Variants in CLEC12A observed in about 807,000 individuals in gnomAD.
CLEC12A encodes the protein C-type lectin protein CLL-1.
CLEC12A carries 22 observed loss-of-function variants against 26.5 expected under a neutral mutation model. That is an observed-to-expected ratio of 0.83 (90% CI 0.59 to 1.19). CLEC12A has a LOEUF of 1.19. CLEC12A is among the 50% of genes most tolerant of loss of function. The probability of loss-of-function intolerance (pLI) is 0.00; values close to 1 mark genes in which losing one functional copy is unlikely to be tolerated. For missense variants in CLEC12A, 353 were observed against 315.6 expected, an observed-to-expected ratio of 1.12 and a Z score of -0.90; for synonymous variants, 119 against 101.9, an observed-to-expected ratio of 1.17 and a Z score of -1.01.
At chr12:9,990,358 T>C (rs563886685), downstream of CLEC12A, among the ~76,000 whole-genome samples, 2 of 152,280 alleles carry the variant, frequency 1.3e-5, no homozygotes, top group Admixed American at 6.5e-5. Flanking sequence ...GAAGACAAAG[T>C]GTCAACATTA....
At chr12:9,966,783 C>T (rs1481444049), upstream of CLEC12A, among the ~76,000 whole-genome samples, 40 of 140,078 alleles carry the variant, frequency 2.9e-4, no homozygotes, top group Non-Finnish European at 4.0e-4. Context: ...ATGTCGGGAG[C>T]AGATTGGGTA....
At chr12:9,975,068 G>C (rs1864282392) in intron 1 of CLEC12A, among the ~76,000 whole-genome samples, 1 of 152,178 alleles carries the variant, frequency 6.6e-6, no homozygotes, top group Admixed American at 6.5e-5. Flanking sequence ...CCATGAGTGT[G>C]AGGCCTCTCC....
At chr12:9,972,131 C>A (rs1002166732) in intron 1 of CLEC12A, among the ~76,000 whole-genome samples, 2 of 151,362 alleles carry the variant, frequency 1.3e-5, no homozygotes, top group Admixed American at 1.3e-4. Flanking sequence ...TGACTATCTA[C>A]CAAACTAAGC....
At chr12:9,997,159 C>A, downstream of CLEC12A, 2 of 1,613,886 alleles carry the variant, frequency 1.2e-6, no homozygotes, top group Non-Finnish European at 1.7e-6. Context: ...ACAATACTTA[C>A]TGAAAGTGCC....
chr12:9,966,699 A>G (rs1298172442), upstream of CLEC12A, among the ~76,000 whole-genome samples: 2 of 151,458 alleles, frequency 1.3e-5, no homozygotes, highest in African/African-American at 4.9e-5. Context: ...ATTATTGTAC[A>G]CTTTGAAGGC....
At chr12:9,989,888 A>G (rs1275716733), downstream of CLEC12A, among the ~76,000 whole-genome samples, 2 of 152,198 alleles carry the variant, frequency 1.3e-5, no homozygotes, top group Non-Finnish European at 2.9e-5. Context: ...GTCTTTTATC[A>G]TTTCAAACGT....
downstream of CLEC12A, chr12:9,997,028 T>C (rs1865067949): frequency 2.5e-6 from 4 of 1,612,206 alleles, 1 homozygote; most frequent in South Asian, 4.4e-5. Context: ...AGGAATGGTG[T>C]ATTTTTTCTA....
rs898032247 is a variant in CLEC12A, at chr12:9,993,396, GAAAAAAAAACAA to G, written n.1005-1611_1005-1600del. On this transcript the variant is annotated intron_variant and non_coding_transcript_variant, in intron 4 of 4. Transcript: ENST00000449959. The stretch of plus-strand genomic sequence containing the variant: ...ACCAAATAGAGACTGAGGAAAATAG[GAAAAAAAAACAA>G]AAAAAAAAACGATTCTCATTGTTGA... 8 of 313,218 alleles carry G rather than the reference GAAAAAAAAACAA, an allele frequency of 2.6e-5. No individual in the cohort carries two copies. The African/African-American group carries it at 6.6e-4, about 26-fold the overall frequency. The allele number at this position is 313,218 out of a possible 1,614,324, so 19.4% of individuals were successfully genotyped here.
chr12:9,980,436 A>AC, intron 3 of CLEC12A, 146 bp from the exon 4 acceptor site: 2 of 222,556 alleles, frequency 9.0e-6, no homozygotes, highest in Non-Finnish European at 1.5e-5. Context: ...AGACTCTGTC[A>AC]AAAAAAAAAA....
intron 1 of CLEC12A, among the ~76,000 whole-genome samples, chr12:9,978,169 T>A (rs1330588230): frequency 6.6e-6 from 1 of 152,170 alleles, no homozygotes. Flanking sequence ...AATTGGATTT[T>A]CTTGAAATAT....
the CLEC12A span, among the ~76,000 whole-genome samples, chr12:10,005,793 T>A: frequency 6.6e-6 from 1 of 152,214 alleles, no homozygotes; most frequent in Non-Finnish European, 1.5e-5. Flanking sequence ...TTATTTTCCT[T>A]CTGCTTTTAG....
rs140460586 is a variant in CLEC12A, at chr12:9,985,002, T to G, written c.774T>G (p.Gly258=). The part of the protein sequence containing the change: ...CEKMANPVQL[G]STYFREA Reference sequence around the variant, plus strand: ...AGATGGCCAATCCAGTGCAGCTTGGTTCTACATATTTTAGGGAGGCATGAG... The same window carrying G: ...AGATGGCCAATCCAGTGCAGCTTGGGTCTACATATTTTAGGGAGGCATGAG... Residue 258 remains glycine (G), a synonymous_variant, in exon 6 of 6, where the codon GGT becomes GGG. Transcript: ENST00000304361. The G allele has an allele frequency of 1.3e-6, 2 of 1,531,612 alleles. No homozygotes were observed. Among genetic ancestry groups the G allele is most frequent in the South Asian group, 2.5e-5 (2 of 79,842 alleles). The allele number at this position is 1,531,612 out of a possible 1,614,324, so 94.9% of individuals were successfully genotyped here.
At chr12:9,974,977 C>A (rs1276655867) in intron 1 of CLEC12A, among the ~76,000 whole-genome samples, 1 of 152,108 alleles carries the variant, frequency 6.6e-6, no homozygotes, top group East Asian at 1.9e-4. Flanking sequence ...CTCATGAGAT[C>A]TGATGGTTTT....
At chr12:9,990,358 TG>T (rs1203166652), downstream of CLEC12A, among the ~76,000 whole-genome samples, 1 of 152,162 alleles carries the variant, frequency 6.6e-6, no homozygotes, top group Non-Finnish European at 1.5e-5. Flanking sequence ...GAAGACAAAG[TG>T]TCAACATTAA....
intron 1 of CLEC12A, among the ~76,000 whole-genome samples, chr12:9,966,148 G>C (rs12231872): frequency 0.3 from 44,961 of 151,986 alleles, 6,934 homozygotes; most frequent in East Asian, 0.46. Flanking sequence ...TTAGAAGCCT[G>C]GCCATCAGTA....
rs1446649838 is a variant in CLEC12A, at chr12:9,985,151, T to C, written c.*125T>C. The C allele has an allele frequency of 1.3e-5, 14 of 1,090,154 alleles. No homozygotes were observed. Among genetic ancestry groups the C allele is most frequent in the Non-Finnish European group, 1.7e-5 (14 of 827,330 alleles). The allele number at this position is 1,090,154 out of a possible 1,614,324, so 67.5% of individuals were successfully genotyped here. On this transcript the variant is annotated 3_prime_UTR_variant, in exon 6 of 6. Coordinates refer to ENST00000304361, the MANE Select transcript of CLEC12A (RefSeq NM_138337.6). ...AAGACCTGGGATTTTATCATGCAGA[T>C]GAAACATCCAGGTAGCAAGCTTCAG...
At chr12:9,976,650 G>A (rs1273360974) in intron 1 of CLEC12A, among the ~76,000 whole-genome samples, 1 of 152,130 alleles carries the variant, frequency 6.6e-6, no homozygotes, top group Non-Finnish European at 1.5e-5. Flanking sequence ...AGTCTTTTGG[G>A]GACTGTTGGG....
At chr12:9,959,974 C>T (rs1213824597) in intron 1 of CLEC12A, among the ~76,000 whole-genome samples, 1 of 152,220 alleles carries the variant, frequency 6.6e-6, no homozygotes, top group Non-Finnish European at 1.5e-5. Context: ...GACTTCATTT[C>T]TGTATGGACT....
intron 1 of CLEC12A, among the ~76,000 whole-genome samples, chr12:9,958,282 T>C (rs1188406715): frequency 3.3e-5 from 5 of 152,172 alleles, no homozygotes; most frequent in Non-Finnish European, 5.9e-5. Context: ...CGGCTCACAA[T>C]TGAACAGTTG....
Sources: allele counts gnomAD v4.1 joint callset (sites outside exome capture counted in the v4.1 genomes callset), GRCh38; gene constraint gnomAD v4.1.1; transcripts MANE v1.5; gene names NCBI Gene and HGNC (gene_info 2026-07-23, HGNC 2026-07-21).